STAMBPL1: variants seen among roughly 807,000 people sequenced by gnomAD.
STAMBPL1 encodes the protein AMSH-like protease.
Under a neutral mutation model 52.9 loss-of-function variants are expected in STAMBPL1, and 44 were observed. That is an observed-to-expected ratio of 0.83 (90% CI 0.65 to 1.07). The LOEUF (loss-of-function observed/expected upper bound fraction) is 1.07. Ranked by LOEUF, STAMBPL1 falls within the 50% of genes least tolerant of loss-of-function variation. STAMBPL1 has a pLI of 0.00. For synonymous variants in STAMBPL1, 164 were observed against 177.3 expected, an observed-to-expected ratio of 0.92 and a Z score of 0.60; for missense variants, 511 against 520.8, an observed-to-expected ratio of 0.98 and a Z score of 0.18.
intron 1 of STAMBPL1, among the ~76,000 whole-genome samples, chr10:88,888,756 A>G (rs1844605795): frequency 6.6e-6 from 1 of 152,224 alleles, no homozygotes; most frequent in Non-Finnish European, 1.5e-5. Flanking sequence ...CAGAATTTAC[A>G]CATGTAGAAA....
intron 7 of STAMBPL1, 133 bp from the exon 8 acceptor site, chr10:88,916,547 A>T: frequency 4.5e-6 from 2 of 444,698 alleles, no homozygotes; most frequent in Non-Finnish European, 6.8e-6. Context: ...GGGAGGGATG[A>T]TGTAAGTGGT....
intron 8 of STAMBPL1, among the ~76,000 whole-genome samples, chr10:88,918,302 C>CACAT (rs1359321858): frequency 6.9e-6 from 1 of 145,286 alleles, no homozygotes; most frequent in Non-Finnish European, 1.5e-5. Flanking sequence ...CACACACACA[C>CACAT]ACATACACAC....
chr10:88,921,745 G>A (rs1845517032), intron 9 of STAMBPL1, among the ~76,000 whole-genome samples: 1 of 152,066 alleles, frequency 6.6e-6, no homozygotes, highest in Non-Finnish European at 1.5e-5. Flanking sequence ...TAGCTTTGGG[G>A]AACAATGATT....
intron 3 of STAMBPL1, among the ~76,000 whole-genome samples, chr10:88,907,968 T>C (rs1298872337): frequency 6.6e-6 from 1 of 152,226 alleles, no homozygotes; most frequent in Non-Finnish European, 1.5e-5. Context: ...AAGGAAGGGT[T>C]ATTCATTCAT....
At chr10:88,884,959 T>C (rs1844494033) in intron 1 of STAMBPL1, among the ~76,000 whole-genome samples, 1 of 152,208 alleles carries the variant, frequency 6.6e-6, no homozygotes, top group South Asian at 2.1e-4. Flanking sequence ...ATTAAATAAA[T>C]AGCTGTAAAT....
At chr10:88,882,780 G>A (rs1047697308) in intron 1 of STAMBPL1, 1 of 152,146 alleles carries the variant, frequency 6.6e-6, no homozygotes, top group South Asian at 2.1e-4. Context: ...AGATATTAGA[G>A]CCAGATTTCC....
intron 8 of STAMBPL1, 31 bp downstream of exon 8, chr10:88,916,848 T>G (rs78467188): frequency 0.034 from 51,363 of 1,499,982 alleles, 1,030 homozygotes; most frequent in South Asian, 0.054. Context: ...TTCAGTTTTT[T>G]TGTGTGTGTG....
At chr10:88,881,290 C>T (rs11202879) in intron 1 of STAMBPL1, among the ~76,000 whole-genome samples, 36,535 of 151,826 alleles carry the variant, frequency 0.24, 5,350 homozygotes, top group East Asian at 0.45. Flanking sequence ...CTGCTGATAC[C>T]CCCAGAGCCT....
chr10:88,883,839 A>G (rs1564618074), intron 1 of STAMBPL1, among the ~76,000 whole-genome samples: 2 of 152,206 alleles, frequency 1.3e-5, no homozygotes, highest in Non-Finnish European at 2.9e-5. Flanking sequence ...TAACCTTTCA[A>G]GGTACTCTTT....
chr10:88,914,373 T>A (rs1014379460), intron 6 of STAMBPL1, among the ~76,000 whole-genome samples, 161 bp from the exon 7 acceptor site: 1 of 152,186 alleles, frequency 6.6e-6, no homozygotes, highest in African/African-American at 2.4e-5. Context: ...TTCTAGTTAA[T>A]GTTTACTTCT....
chr10:88,917,871 G>A (rs976672077), intron 8 of STAMBPL1, among the ~76,000 whole-genome samples: 1 of 152,086 alleles, frequency 6.6e-6, no homozygotes, highest in Non-Finnish European at 1.5e-5. Flanking sequence ...TCTAGTGAGG[G>A]CTGCTCTCAG....
intron 1 of STAMBPL1, among the ~76,000 whole-genome samples, chr10:88,886,399 C>CT (rs35761576): frequency 1.3e-5 from 2 of 152,018 alleles, no homozygotes; most frequent in East Asian, 1.9e-4. Flanking sequence ...CTTTGATTTA[C>CT]TTTTTTTGGA....
At chr10:88,922,486 C>T in intron 10 of STAMBPL1, 50 bp downstream of exon 10, 1 of 1,538,014 alleles carries the variant, frequency 6.5e-7, no homozygotes, top group African/African-American at 1.4e-5. Context: ...GTTCACTGCC[C>T]CCCCAATCTG....
chr10:88,892,767 G>A lies in STAMBPL1; in HGVS notation c.-53-8889G>A, dbSNP rs530225316. On this transcript the variant is annotated intron_variant, in intron 1 of 10. Coordinates refer to ENST00000371926, the MANE Select transcript of STAMBPL1 (RefSeq NM_020799.4). The stretch of plus-strand genomic sequence containing the variant: ...AAGCAGTGGATGACAAGTACTTCAG[G>A]ATGGCCCTCTTTTGCTTTTGAATAA... Among the ~76,000 whole-genome samples, 11 of 152,300 alleles carry A rather than the reference G, an allele frequency of 7.2e-5. No individual in the cohort carries two copies. In the South Asian group the frequency reaches 2.3e-3, roughly 32 times the overall value.
In STAMBPL1 at chr10:88,913,306, G is replaced by A. The variant is rs1845275467; in HGVS notation, c.626G>A (p.Ser209Asn). 3 of 1,613,800 alleles carry A rather than the reference G, an allele frequency of 1.9e-6. No homozygotes were observed. The highest frequency in any genetic ancestry group is 2.5e-6 in the Non-Finnish European group (3 of 1,179,866). Residue 209 changes from serine (S) to asparagine (N), a missense_variant, in exon 6 of 11, where the codon AGC becomes AAC. This residue lies in a region of STAMBPL1 where 358 missense variants were observed against 343.5 expected (regional missense o/e 1.04). Coordinates refer to ENST00000371926, the MANE Select transcript of STAMBPL1 (RefSeq NM_020799.4). Reference protein sequence around the residue: ...TSGLSEQIDGSALSCFSTHQN... With the variant: ...TSGLSEQIDGNALSCFSTHQN... ...GGGCTGTCAGAGCAGATTGATGGGA[G>A]CGCTTTGTCCTGCTTTTCCACACAC...
In STAMBPL1 at chr10:88,913,437, G is replaced by T. The variant is rs1378808661; in HGVS notation, c.757G>T (p.Ala253Ser). 6.2e-7 allele frequency: 1 copy of T among 1,612,622 alleles called. No individual in the cohort carries two copies. Among genetic ancestry groups the T allele is most frequent in the South Asian group, 1.1e-5 (1 of 90,890 alleles). ...PPVNRALTPA[A>S]TLSAVQNLVV... ...TGTAAACAGGGCCTTAACGCCAGCT[G>T]CTACTCTAAGTGCTGTTCAGAGTAA... Residue 253 changes from alanine to serine, a missense_variant, in exon 6 of 11, where the codon GCT becomes TCT. By Grantham distance (99) the Ala-to-Ser change is moderately conservative. Coordinates refer to ENST00000371926, the MANE Select transcript of STAMBPL1 (RefSeq NM_020799.4).
intron 3 of STAMBPL1, among the ~76,000 whole-genome samples, chr10:88,906,140 A>G (rs765362223): frequency 2.0e-5 from 3 of 150,564 alleles, no homozygotes; most frequent in South Asian, 2.1e-4. Flanking sequence ...GGATAGGTTC[A>G]GGAAACTCAT....
chr10:88,892,501 G>C (rs905002915), intron 1 of STAMBPL1, among the ~76,000 whole-genome samples: 1 of 152,136 alleles, frequency 6.6e-6, no homozygotes, highest in Non-Finnish European at 1.5e-5. Flanking sequence ...AGGTAGGAAG[G>C]GGATGAATGG....
chr10:88,913,039 A>G, intron 5 of STAMBPL1, 62 bp from the exon 6 acceptor site: 1 of 1,379,296 alleles, frequency 7.3e-7, no homozygotes, highest in Non-Finnish European at 9.9e-7. Flanking sequence ...GAAAATGTCT[A>G]ATTCCAGTTC....
Sources: allele counts gnomAD v4.1 joint callset (sites outside exome capture counted in the v4.1 genomes callset), GRCh38; gene constraint gnomAD v4.1.1; regional missense constraint gnomAD v4.1.1; transcripts MANE v1.5; gene names NCBI Gene and HGNC (gene_info 2026-07-23, HGNC 2026-07-21).